The following XKR9 variants were observed in gnomAD, a reference collection of about 807,000 sequenced individuals.
XKR9 encodes XK-related protein 9.
XKR9 carries 32 observed loss-of-function variants against 32.0 expected under a neutral mutation model. The ratio of observed to expected loss-of-function variants is 1.00; its 90% confidence interval spans 0.76 to 1.34. XKR9 has a LOEUF of 1.34. XKR9 is among the 40% of genes most tolerant of loss of function. The pLI is 0.00. For missense variants in XKR9, 546 were observed against 429.7 expected, an observed-to-expected ratio of 1.27 and a Z score of -2.39; for synonymous variants, 168 against 143.4, an observed-to-expected ratio of 1.17 and a Z score of -1.22.
At chr8:70,972,576 G>C in the XKR9 span, among the ~76,000 whole-genome samples, 3 of 151,950 alleles carry the variant, frequency 2.0e-5, no homozygotes, top group Non-Finnish European at 2.9e-5. Flanking sequence ...ACTTTTCTCT[G>C]TTCAGTATAG....
At chr8:71,012,257 A>G in the XKR9 span, among the ~76,000 whole-genome samples, 1 of 152,150 alleles carries the variant, frequency 6.6e-6, no homozygotes, top group African/African-American at 2.4e-5. Flanking sequence ...ATAAGGAGAG[A>G]GGTGAGGAGT....
the XKR9 span, among the ~76,000 whole-genome samples, chr8:70,811,686 T>A: frequency 8.6e-5 from 13 of 151,940 alleles, no homozygotes; most frequent in South Asian, 2.7e-3. Context: ...AACTAGAAAA[T>A]CTAGAAGAAA....
intron 2 of XKR9, among the ~76,000 whole-genome samples, chr8:70,752,401 G>A (rs1000374288): frequency 2.0e-5 from 3 of 152,094 alleles, no homozygotes; most frequent in African/African-American, 7.2e-5. Flanking sequence ...TTGGCTTCTG[G>A]TGAGGGCCTC....
chr8:70,844,904 C>T, the XKR9 span, among the ~76,000 whole-genome samples: 1 of 152,234 alleles, frequency 6.6e-6, no homozygotes, highest in East Asian at 1.9e-4. Context: ...ATCCAGGGGA[C>T]CAAGGATCTG....
chr8:70,967,042 C>T, the XKR9 span, among the ~76,000 whole-genome samples: 2 of 144,306 alleles, frequency 1.4e-5, no homozygotes, highest in African/African-American at 5.3e-5. Context: ...TGCCTGAAGA[C>T]AGCACACTGA....
At chr8:70,915,403 T>C in the XKR9 span, among the ~76,000 whole-genome samples, 3 of 152,140 alleles carry the variant, frequency 2.0e-5, no homozygotes, top group Non-Finnish European at 2.9e-5. Context: ...AATTAAACTA[T>C]AAACTAAATT....
chr8:71,002,117 G>A, the XKR9 span, among the ~76,000 whole-genome samples: 47,773 of 151,148 alleles, frequency 0.32, 8,822 homozygotes, highest in Non-Finnish European at 0.43. Context: ...GCTATCATGA[G>A]GTCGTAAGAG....
intron 2 of XKR9, among the ~76,000 whole-genome samples, chr8:70,770,464 T>C (rs536596625): frequency 8.5e-5 from 13 of 152,348 alleles, no homozygotes; most frequent in Admixed American, 5.9e-4. Context: ...TGCTGCTCTC[T>C]TCAGAGCCGG....
chr8:70,956,332 G>T, the XKR9 span, among the ~76,000 whole-genome samples: 2 of 152,138 alleles, frequency 1.3e-5, no homozygotes, highest in African/African-American at 4.8e-5. Flanking sequence ...ATCTTGATGA[G>T]TGAGTGTCTG....
At chr8:70,736,027 A>G (rs868332174), downstream of XKR9, 7 of 152,228 alleles carry the variant, frequency 4.6e-5, no homozygotes, top group Non-Finnish European at 8.8e-5. Flanking sequence ...TAGATCCCTG[A>G]GGAATCACCA....
At chr8:70,916,277 T>G in the XKR9 span, among the ~76,000 whole-genome samples, 2 of 152,218 alleles carry the variant, frequency 1.3e-5, no homozygotes, top group African/African-American at 4.8e-5. Context: ...AAAATTAAGT[T>G]TGTGTGCCTT....
intron 2 of XKR9, among the ~76,000 whole-genome samples, chr8:70,677,821 C>T (rs1818932489): frequency 1.3e-5 from 2 of 152,184 alleles, no homozygotes; most frequent in South Asian, 2.1e-4. Context: ...TGCCAAAAAA[C>T]TTCACTTTTA....
At chr8:70,811,517 A>G in the XKR9 span, among the ~76,000 whole-genome samples, 6 of 152,188 alleles carry the variant, frequency 3.9e-5, no homozygotes, top group Admixed American at 6.5e-5. Context: ...TTTTTTGAAA[A>G]GATCAACAAA....
the XKR9 span, among the ~76,000 whole-genome samples, chr8:71,038,721 T>C: frequency 7.4e-6 from 1 of 134,502 alleles, no homozygotes; most frequent in African/African-American, 2.8e-5. Flanking sequence ...TTCTCATGAA[T>C]AATTGTCCTA....
chr8:71,042,306 A>G, the XKR9 span, among the ~76,000 whole-genome samples: 218 of 152,268 alleles, frequency 1.4e-3, 2 homozygotes, highest in African/African-American at 5.1e-3. Flanking sequence ...TAAGAGAAGG[A>G]ACAGTTGCCA....
intron 3 of XKR9, among the ~76,000 whole-genome samples, chr8:70,689,762 A>G (rs892938101): frequency 5.3e-5 from 8 of 152,106 alleles, no homozygotes; most frequent in African/African-American, 1.9e-4. Context: ...TGAAGAGACA[A>G]GGTACAGACA....
the XKR9 span, among the ~76,000 whole-genome samples, chr8:70,875,056 G>A: frequency 7.6e-4 from 115 of 152,292 alleles, 1 homozygote; most frequent in African/African-American, 2.6e-3. Flanking sequence ...ACTAGAAAGC[G>A]AGGGACTGAA....
At chr8:70,984,522 TCTA>T in the XKR9 span, among the ~76,000 whole-genome samples, 1 of 152,202 alleles carries the variant, frequency 6.6e-6, no homozygotes, top group Admixed American at 6.5e-5. Context: ...TATATTTGAC[TCTA>T]AGCAGTTTCT....
chr8:70,835,152 G>C, the XKR9 span, among the ~76,000 whole-genome samples: 2 of 152,014 alleles, frequency 1.3e-5, no homozygotes, highest in African/African-American at 4.8e-5. Context: ...AGTTCTGATA[G>C]AGTGTCAGCT....
Sources: gnomAD v4.1 joint callset for allele counts (sites outside exome capture counted in the v4.1 genomes callset) on GRCh38, gnomAD v4.1.1 for gene constraint, MANE v1.5 for transcripts, NCBI Gene and HGNC (gene_info 2026-07-23, HGNC 2026-07-21) for gene names.